Variants in N4BP1 observed in about 807,000 individuals in gnomAD.
N4BP1 encodes the protein NEDD4 binding protein 1, also known as NEDD4-binding protein 1.
N4BP1 carries 21 observed loss-of-function variants against 70.9 expected under a neutral mutation model. The ratio of observed to expected loss-of-function variants is 0.30; its 90% confidence interval spans 0.21 to 0.43. The LOEUF is 0.43. Among genes scored for constraint, N4BP1 ranks in the 20% least tolerant of loss-of-function variants. The pLI is 1.00. For synonymous variants in N4BP1, 387 were observed against 394.6 expected (o/e 0.98, Z 0.23); for missense variants, 936 against 1,069.4 (o/e 0.88, Z 1.74).
intron 1 of N4BP1, among the ~76,000 whole-genome samples, chr16:48,583,692 G>A (rs769695529): frequency 2.0e-5 from 3 of 152,164 alleles, no homozygotes; most frequent in Non-Finnish European, 2.9e-5. Flanking sequence ...AAATAAATTT[G>A]AAAACTTCAA....
At chr16:48,597,873 C>G (rs1964440170) in intron 1 of N4BP1, among the ~76,000 whole-genome samples, 1 of 152,194 alleles carries the variant, frequency 6.6e-6, no homozygotes, top group African/African-American at 2.4e-5. Context: ...CATGCATAAG[C>G]TTCTGTATAA....
At position 48,553,557 on chromosome 16, in the gene N4BP1, G is replaced by A. The variant is rs377500906; in HGVS notation, c.2002C>T (p.Arg668Cys). ...TVFVPQWRTR[R>C]DPNVTEQHFL... ...GCCTCACCTGTGACATTAGGATCAC[G>A]CCTTGTTCTCCACTGAGGGACAAAT... Residue 668 changes from arginine (R) to cysteine (C), a missense_variant, in exon 3 of 7, where the codon CGT becomes TGT. Physicochemically the swap from Arg to Cys is radical, Grantham distance 180. Coordinates refer to ENST00000262384, the MANE Select transcript of N4BP1 (RefSeq NM_153029.4). 5 of 1,578,462 alleles carry A rather than the reference G, an allele frequency of 3.2e-6. No homozygotes were observed. Among genetic ancestry groups the A allele is most frequent in the East Asian group, 2.3e-5 (1 of 44,050 alleles).
Position 48,561,396 on chromosome 16 carries a change from C to T in N4BP1, c.1247G>A (p.Ser416Asn). The stretch of plus-strand genomic sequence containing the variant: ...ATCAGTTGTAAGCTCATTTGTGCTG[C>T]TATAAACACCTTTATTTTTGGTTTT... ...TNKTKNKGVY[S>N]STNELTTDST... The change falls in exon 2 of 7, where the codon AGC becomes AAC. Residue 416 changes from serine (S) to asparagine (N), a missense_variant. Ser to Asn is a conservative substitution (Grantham distance 46). Transcript: ENST00000262384. 6.2e-7 allele frequency: 1 copy of T among 1,613,880 alleles called. No homozygotes were observed. Among genetic ancestry groups the T allele is most frequent in the Non-Finnish European group, 8.5e-7 (1 of 1,179,844 alleles).
At chr16:48,599,434 GA>G (rs1775497442) in intron 1 of N4BP1, among the ~76,000 whole-genome samples, 1 of 152,210 alleles carries the variant, frequency 6.6e-6, no homozygotes, top group African/African-American at 2.4e-5. Flanking sequence ...ACATAAGCAG[GA>G]GAAACTGTGT....
Position 48,561,833 on chromosome 16 carries a change from G to A in N4BP1, c.810C>T (p.Thr270=). 1 of 1,613,764 alleles carries A rather than the reference G, an allele frequency of 6.2e-7. No homozygotes were observed. The highest frequency in any genetic ancestry group is 8.5e-7 in the Non-Finnish European group (1 of 1,179,890). ...DVLFDPINGL[T]PDEEALSNER... ...CATTGGAAAGTGCCTCTTCATCTGG[G>A]GTTAGACCATTTATTGGATCAAAAA... Residue 270 remains threonine, a synonymous_variant, in exon 2 of 7, where the codon ACC becomes ACT. Coordinates refer to ENST00000262384, the MANE Select transcript of N4BP1 (RefSeq NM_153029.4).
chr16:48,551,630 T>TA (rs372509885), intron 3 of N4BP1, 148 bp from the exon 4 acceptor site: 8,993 of 469,788 alleles, frequency 0.019, 45 homozygotes, highest in African/African-American at 0.05. Context: ...CACTAGGAAT[T>TA]AAAAAAAAAA....
In N4BP1 at chr16:48,545,609, CAA is replaced by C. The variant is rs565683231; in HGVS notation, c.2333+536_2333+537del. Among the ~76,000 whole-genome samples, 11 of 151,788 alleles carry C rather than the reference CAA, an allele frequency of 7.2e-5. No individual in the cohort carries two copies. In the East Asian group the frequency reaches 2.1e-3, roughly 30 times the overall value. ...AAATAAATCAATAAAAATAAACCCA[CAA>C]AAAAAGTTTGGCTCCTGTCTTTTCC... is the stretch of plus-strand genomic sequence containing the variant. On this transcript the variant is annotated intron_variant, in intron 6 of 6. Coordinates refer to ENST00000262384, the MANE Select transcript of N4BP1 (RefSeq NM_153029.4).
intron 1 of N4BP1, among the ~76,000 whole-genome samples, chr16:48,589,709 C>T (rs555551349): frequency 3.9e-5 from 6 of 152,300 alleles, no homozygotes; most frequent in Non-Finnish European, 7.3e-5. Context: ...AAACTTTTCC[C>T]TAGATCCCTA....
At chr16:48,574,426 T>C (rs1964064154) in intron 1 of N4BP1, among the ~76,000 whole-genome samples, 2 of 152,222 alleles carry the variant, frequency 1.3e-5, no homozygotes, top group African/African-American at 4.8e-5. Flanking sequence ...TCCCTGTTAC[T>C]TTTCTGGATT....
chr16:48,591,099 G>A (rs1391291215), intron 1 of N4BP1, among the ~76,000 whole-genome samples: 1 of 152,142 alleles, frequency 6.6e-6, no homozygotes, highest in Non-Finnish European at 1.5e-5. Context: ...AAATTATCTT[G>A]AGCAATTAAA....
chr16:48,575,697 G>A (rs1468320931), intron 1 of N4BP1, among the ~76,000 whole-genome samples: 2 of 152,214 alleles, frequency 1.3e-5, no homozygotes, highest in Non-Finnish European at 2.9e-5. Context: ...CTCAGAAGCA[G>A]CTGACTCTTA....
intron 1 of N4BP1, among the ~76,000 whole-genome samples, chr16:48,609,119 G>A (rs1252231343): frequency 6.6e-6 from 1 of 151,976 alleles, no homozygotes; most frequent in Non-Finnish European, 1.5e-5. Context: ...GGAGGCTGAG[G>A]TGGGAGGATC....
At chr16:48,601,061 G>C (rs746629082) in intron 1 of N4BP1, among the ~76,000 whole-genome samples, 1 of 152,180 alleles carries the variant, frequency 6.6e-6, no homozygotes, top group Non-Finnish European at 1.5e-5. Flanking sequence ...CTAACAATTT[G>C]TATGACAATG....
Position 48,542,778 on chromosome 16 carries a change from T to C in N4BP1, c.*126A>G. On this transcript the variant is annotated 3_prime_UTR_variant, in exon 7 of 7. Coordinates refer to ENST00000262384, the MANE Select transcript of N4BP1 (RefSeq NM_153029.4). ...AGATTTATACCCAAAACATTTTTTT[T>C]CTGTACAACTGCGTTTACACTGGGA... The C allele has an allele frequency of 1.2e-6, 1 of 845,056 alleles. No individual in the cohort carries two copies. Among genetic ancestry groups the C allele is most frequent in the Non-Finnish European group, 1.7e-6 (1 of 587,228 alleles). The allele number at this position is 845,056 out of a possible 1,614,324, so 52.3% of individuals were successfully genotyped here.
intron 4 of N4BP1, among the ~76,000 whole-genome samples, chr16:48,549,959 A>T (rs149664008): frequency 5.9e-5 from 9 of 152,286 alleles, no homozygotes; most frequent in African/African-American, 2.2e-4. Context: ...AAAAGAATAA[A>T]CAGCTACCAC....
At chr16:48,601,248 T>C (rs1226119712) in intron 1 of N4BP1, among the ~76,000 whole-genome samples, 3 of 152,224 alleles carry the variant, frequency 2.0e-5, no homozygotes, top group Non-Finnish European at 4.4e-5. Flanking sequence ...GCATGGACTG[T>C]CGCTACACTC....
intron 2 of N4BP1, among the ~76,000 whole-genome samples, chr16:48,557,859 T>C (rs1963778992): frequency 6.6e-6 from 1 of 152,206 alleles, no homozygotes; most frequent in South Asian, 2.1e-4. Context: ...TAGAGGTAGT[T>C]CACTGAACAG....
chr16:48,605,785 A>G (rs1443619459), intron 1 of N4BP1, among the ~76,000 whole-genome samples: 2 of 151,872 alleles, frequency 1.3e-5, no homozygotes, highest in African/African-American at 4.8e-5. Flanking sequence ...TGTCCCCCTA[A>G]CTCTTCCACG....
chr16:48,551,745 A>C (rs1259699089), intron 3 of N4BP1, among the ~76,000 whole-genome samples: 1 of 152,202 alleles, frequency 6.6e-6, no homozygotes, highest in Non-Finnish European at 1.5e-5. Flanking sequence ...TAGGCCAGGC[A>C]CAGTGGCTCA....
Sources: allele counts gnomAD v4.1 joint callset (sites outside exome capture counted in the v4.1 genomes callset), GRCh38; gene constraint gnomAD v4.1.1; transcripts MANE v1.5; gene names NCBI Gene and HGNC (gene_info 2026-07-23, HGNC 2026-07-21).